Variants in AGBL1 observed in about 807,000 individuals in gnomAD.
AGBL1 encodes AGBL carboxypeptidase 1, also known as cytosolic carboxypeptidase 4.
AGBL1 carries 130 observed loss-of-function variants against 118.9 expected under a neutral mutation model. That is an observed-to-expected ratio of 1.09 (90% CI 0.95 to 1.26). The LOEUF (loss-of-function observed/expected upper bound fraction) is 1.26, where lower values mean the gene tolerates loss of function less well. Among genes scored for constraint, AGBL1 ranks in the 50% most tolerant of loss-of-function variants. The pLI, the probability that AGBL1 is intolerant of heterozygous loss-of-function variation, is 0.00. For synonymous variants in AGBL1, 555 were observed against 478.9 expected (o/e 1.16, Z -2.08); for missense variants, 1,584 against 1,298.1 (o/e 1.22, Z -3.38).
intron 21 of AGBL1, among the ~76,000 whole-genome samples, chr15:86,572,492 G>C (rs1024595503): frequency 6.6e-6 from 1 of 152,156 alleles, no homozygotes; most frequent in Non-Finnish European, 1.5e-5. Flanking sequence ...TTGCCGGGGT[G>C]GCAGGCTCCA....
intron 18 of AGBL1, among the ~76,000 whole-genome samples, chr15:86,434,559 C>G (rs2081976814): frequency 6.6e-6 from 1 of 152,212 alleles, no homozygotes; most frequent in Non-Finnish European, 1.5e-5. Flanking sequence ...AAGAGACACT[C>G]CTTGTCATTA....
chr15:86,478,699 C>A (rs923583126), intron 18 of AGBL1, among the ~76,000 whole-genome samples: 1 of 152,154 alleles, frequency 6.6e-6, no homozygotes, highest in East Asian at 1.9e-4. Context: ...ATCAAGCTAC[C>A]AATGACTTTC....
intron 5 of AGBL1, among the ~76,000 whole-genome samples, chr15:86,174,090 G>A (rs373534133): frequency 3.3e-5 from 5 of 152,090 alleles, no homozygotes; most frequent in Admixed American, 2.6e-4. Context: ...ATGAGCATGG[G>A]TGTCTTTCCA....
At chr15:86,519,839 A>T (rs17680506) in intron 18 of AGBL1, among the ~76,000 whole-genome samples, 4,704 of 152,282 alleles carry the variant, frequency 0.031, 108 homozygotes, top group East Asian at 0.081. Context: ...TATGTCTCAC[A>T]TTGGCCCAAT....
At chr15:86,509,037 T>G (rs753917860) in intron 18 of AGBL1, among the ~76,000 whole-genome samples, 1 of 152,158 alleles carries the variant, frequency 6.6e-6, no homozygotes, top group Admixed American at 6.6e-5. Context: ...GTTCGTCATC[T>G]GATACTGAGA....
intron 21 of AGBL1, among the ~76,000 whole-genome samples, chr15:86,584,822 T>A (rs955702011): frequency 2.0e-5 from 3 of 152,186 alleles, no homozygotes; most frequent in African/African-American, 7.2e-5. Context: ...GAGTATGGAA[T>A]GTTTTCCCAT....
At chr15:86,921,544 A>G (rs2080481978) in intron 23 of AGBL1, among the ~76,000 whole-genome samples, 1 of 152,182 alleles carries the variant, frequency 6.6e-6, no homozygotes, top group Admixed American at 6.5e-5. Flanking sequence ...TCTCAAGGCC[A>G]GCTAGGTGTC....
At chr15:86,110,798 C>G (rs1373502683) in intron 1 of AGBL1, among the ~76,000 whole-genome samples, 1 of 152,116 alleles carries the variant, frequency 6.6e-6, no homozygotes, top group Non-Finnish European at 1.5e-5. Context: ...AGTTTCTGAA[C>G]GAGCCTAGCA....
rs115017608 is a variant in AGBL1 at position 86,211,969 on chromosome 15, T to A, written c.489-12945T>A. 8.7e-3 allele frequency among the ~76,000 whole-genome samples: 1,319 copies of A among 152,324 alleles called. 16 individuals carry two copies. The highest frequency in any genetic ancestry group is 0.031 in the African/African-American group (1,275 of 41,578). On this transcript the variant is annotated intron_variant, in intron 5 of 22. Coordinates refer to ENST00000614907, the MANE Select transcript of AGBL1 (RefSeq NM_001386094.1). ...TAGAGCTGTTCCTATTCGGCCATCT[T>A]GGAACAGAATCCTGTTGAGTTTTAA...
At chr15:86,703,989 A>G (rs2086404595) in intron 22 of AGBL1, among the ~76,000 whole-genome samples, 1 of 152,136 alleles carries the variant, frequency 6.6e-6, no homozygotes, top group Admixed American at 6.5e-5. Context: ...ATCACCACAC[A>G]TCTACAGCCA....
chr15:86,411,913 G>C (rs2081626321), intron 18 of AGBL1, among the ~76,000 whole-genome samples: 1 of 152,142 alleles, frequency 6.6e-6, no homozygotes, highest in South Asian at 2.1e-4. Flanking sequence ...CTGTTACTCT[G>C]TTCATACCCT....
At chr15:86,453,875 A>G (rs2082228396) in intron 18 of AGBL1, among the ~76,000 whole-genome samples, 1 of 152,248 alleles carries the variant, frequency 6.6e-6, no homozygotes, top group African/African-American at 2.4e-5. Flanking sequence ...TGTAATAGAT[A>G]TGATAGATTT....
chr15:86,415,551 A>C (rs2081680469), intron 18 of AGBL1, among the ~76,000 whole-genome samples: 1 of 152,200 alleles, frequency 6.6e-6, no homozygotes, highest in African/African-American at 2.4e-5. Context: ...TAACACCTAT[A>C]AAATCACTAT....
chr15:86,575,051 T>C (rs1451114168), intron 21 of AGBL1, among the ~76,000 whole-genome samples: 1 of 151,764 alleles, frequency 6.6e-6, no homozygotes, highest in Non-Finnish European at 1.5e-5. Context: ...TAGCTGGGCA[T>C]GGTGGCAGGT....
At chr15:86,314,190 A>G (rs2079962846) in intron 17 of AGBL1, among the ~76,000 whole-genome samples, 1 of 152,168 alleles carries the variant, frequency 6.6e-6, no homozygotes, top group African/African-American at 2.4e-5. Flanking sequence ...TATAGGTGGG[A>G]TGGGTAGGAG....
chr15:86,813,006 A>G (rs2078812221), intron 22 of AGBL1, among the ~76,000 whole-genome samples: 1 of 152,120 alleles, frequency 6.6e-6, no homozygotes, highest in Admixed American at 6.5e-5. Flanking sequence ...AATTTAAAGA[A>G]TGAGTGAGAA....
At chr15:86,154,657 G>GTATCTCTCACCCATGCTT in intron 4 of AGBL1, 96 bp downstream of exon 4, 1 of 1,407,214 alleles carries the variant, frequency 7.1e-7, no homozygotes, top group Non-Finnish European at 9.5e-7. Context: ...AAAAGCATGG[G>GTATCTCTCACCCATGCTT]TGAGAGATAC....
chr15:86,569,088 C>G (rs968707102), intron 21 of AGBL1, among the ~76,000 whole-genome samples: 1 of 151,822 alleles, frequency 6.6e-6, no homozygotes, highest in Non-Finnish European at 1.5e-5. Context: ...TTTCCAAATG[C>G]CTGTTTTGCC....
chr15:86,895,354 G>A (rs1419430927), intron 22 of AGBL1, among the ~76,000 whole-genome samples: 1 of 150,518 alleles, frequency 6.6e-6, no homozygotes, highest in Non-Finnish European at 1.5e-5. Flanking sequence ...ACCACTGTCA[G>A]CCTACAAGAG....
Sources: allele counts gnomAD v4.1 joint callset (sites outside exome capture counted in the v4.1 genomes callset), GRCh38; gene constraint gnomAD v4.1.1; transcripts MANE v1.5; gene names NCBI Gene and HGNC (gene_info 2026-07-23, HGNC 2026-07-21).